IRF8: variants seen among roughly 807,000 people sequenced by gnomAD.
IRF8 encodes interferon regulatory factor 8.
A neutral mutation model predicts 48.7 loss-of-function variants in IRF8; 14 were observed. That is an observed-to-expected ratio of 0.29 (90% CI 0.19 to 0.45). The LOEUF (loss-of-function observed/expected upper bound fraction) is 0.45, where lower values mean the gene tolerates loss of function less well. Ranked by LOEUF, IRF8 falls within the 20% of genes least tolerant of loss-of-function variation. IRF8 has a pLI of 1.00. For synonymous variants in IRF8, 278 were observed against 227.3 expected (o/e 1.22, Z -2.01); for missense variants, 493 against 580.7 (o/e 0.85, Z 1.55).
At position 85,913,045 on chromosome 16, in the gene IRF8, T is replaced by A; in HGVS notation, c.448-86T>A. 4.2e-6 allele frequency: 4 copies of A among 960,518 alleles called. No homozygotes were observed. In the East Asian group the frequency reaches 9.5e-5, roughly 23 times the overall value. The allele number at this position is 960,518 out of a possible 1,614,324, so 59.5% of individuals were successfully genotyped here. On this transcript the variant is annotated intron_variant, in intron 4 of 8. Transcript: ENST00000268638. ...GTGACAATATGGTTTTACTTACACA[T>A]GAACTGTTCATTTTTACAAACACTG...
chr16:85,902,703 G>T (rs1308962582), intron 1 of IRF8: 2 of 411,254 alleles, frequency 4.9e-6, no homozygotes, highest in Non-Finnish European at 4.6e-6. Flanking sequence ...CACTGTGGTT[G>T]TATCTGCCTG....
chr16:85,913,656 A>G (rs1367482923), intron 5 of IRF8, among the ~76,000 whole-genome samples: 1 of 152,232 alleles, frequency 6.6e-6, no homozygotes. Flanking sequence ...AGAACCAAAG[A>G]GAGCCCAGGG....
intron 4 of IRF8, among the ~76,000 whole-genome samples, chr16:85,912,847 G>T (rs1010022874): frequency 4.6e-5 from 7 of 152,152 alleles, no homozygotes; most frequent in Non-Finnish European, 1.5e-5. Flanking sequence ...TGGATAATCT[G>T]GAACACTGGG....
rs113937897 is a variant in IRF8, at chr16:85,901,772, G to A, written c.-1-1243G>A. ...ACCTGCAGGGTGGCTGAAGTTTCCA[G>A]AATGCGTACTTCTTGTGAAGGTTCT... On this transcript the variant is annotated intron_variant, in intron 1 of 8. Transcript: ENST00000268638. Among the ~76,000 whole-genome samples, 1,464 of 152,276 alleles carry A rather than the reference G, an allele frequency of 9.6e-3. 21 individuals carry two copies. The highest frequency in any genetic ancestry group is 0.034 in the African/African-American group (1,401 of 41,550).
chr16:85,914,646 A>T, intron 6 of IRF8, 126 bp downstream of exon 6: 1 of 1,036,778 alleles, frequency 9.6e-7, no homozygotes, highest in Non-Finnish European at 1.4e-6. Context: ...GCCTGGTTCC[A>T]AGGATGAGCA....
In IRF8 at chr16:85,909,289, C is replaced by G. The variant is rs181317751; in HGVS notation, c.358+116C>G. On this transcript the variant is annotated intron_variant, in intron 3 of 8. Transcript: ENST00000268638. Reference sequence around the variant, plus strand: ...TCTGGGGCACATAGTTTCAGTTAAACAAAGCAGTTCTCTCCTTCGTGTAAG... The same window carrying G: ...TCTGGGGCACATAGTTTCAGTTAAAGAAAGCAGTTCTCTCCTTCGTGTAAG... 5.5e-4 allele frequency: 439 copies of G among 801,360 alleles called. 1 individual carries two copies. The Middle Eastern group carries it at 5.5e-3, about 10-fold the overall frequency. 49.6% of individuals were successfully genotyped at this position (801,360 alleles called of 1,614,324 possible).
Position 85,921,283 on chromosome 16 carries a change from G to A in IRF8, c.*1G>A, listed in dbSNP as rs2143061541. ...AGAAAACCAACAGATCACCGTCTAAGTGCGTCGCTTGGGCGCCCCACCCCG... is the reference window on the plus strand; with the variant it reads ...AGAAAACCAACAGATCACCGTCTAAATGCGTCGCTTGGGCGCCCCACCCCG... On this transcript the variant is annotated 3_prime_UTR_variant, in exon 9 of 9. Coordinates refer to ENST00000268638, the MANE Select transcript of IRF8 (RefSeq NM_002163.4). The A allele has an allele frequency of 1.9e-6, 3 of 1,613,592 alleles. No homozygotes were observed. The highest frequency in any genetic ancestry group is 1.7e-5 in the Admixed American group (1 of 60,034).
intron 3 of IRF8, 175 bp downstream of exon 3, chr16:85,909,348 G>A (rs983878162): frequency 1.2e-5 from 8 of 661,226 alleles, no homozygotes; most frequent in Non-Finnish European, 1.9e-5. Context: ...TGACCTCAGA[G>A]GGAAGGGCGG....
chr16:85,913,220 G>T lies in IRF8; in HGVS notation c.537G>T (p.Ala179=). 3.1e-6 allele frequency: 5 copies of T among 1,612,608 alleles called. No individual in the cohort carries two copies. In the Middle Eastern group the frequency reaches 8.3e-4, roughly 266 times the overall value. Reference sequence around the variant, plus strand: ...GTCAGCTCCTTCCAGACTGGTGGGCGCAGCAGCCCAGCACAGGTGAGGGTG... The same window carrying T: ...GTCAGCTCCTTCCAGACTGGTGGGCTCAGCAGCCCAGCACAGGTGAGGGTG... ...CRSQLLPDWW[A]QQPSTGVPLV... The change falls in exon 5 of 9, where the codon GCG becomes GCT. Residue 179 remains alanine (A), a synonymous_variant. Transcript: ENST00000268638.
intron 4 of IRF8, 77 bp from the exon 5 acceptor site, chr16:85,913,054 C>A (rs980457267): frequency 6.8e-6 from 7 of 1,025,738 alleles, no homozygotes; most frequent in South Asian, 1.3e-5. Context: ...ATGAACTGTT[C>A]ATTTTTACAA....
At chr16:85,909,539 G>C (rs1905087455) in intron 3 of IRF8, 1 of 308,508 alleles carries the variant, frequency 3.2e-6, no homozygotes, top group Non-Finnish European at 6.3e-6. Context: ...CCTGGATCAT[G>C]AGGGTTGGGA....
At position 85,903,247 on chromosome 16, in the gene IRF8, C is replaced by A. The variant is rs1038734275; in HGVS notation, c.174+58C>A. ...CACAGTGTCTCCTTTCCCTCATGGA[C>A]TAGTGGAGATGTTGAGTGACATCTT... On this transcript the variant is annotated intron_variant, in intron 2 of 8. Transcript: ENST00000268638. 1.1e-5 allele frequency: 16 copies of A among 1,447,474 alleles called. No individual in the cohort carries two copies. In the African/African-American group the frequency reaches 1.8e-4, roughly 16 times the overall value. 89.7% of individuals were successfully genotyped at this position (1,447,474 alleles called of 1,614,324 possible).
At chr16:85,918,851 C>T (rs540145332) in intron 7 of IRF8, 48 bp downstream of exon 7, 2 of 1,598,136 alleles carry the variant, frequency 1.3e-6, no homozygotes, top group East Asian at 4.5e-5. Context: ...GAGATCACGC[C>T]TCCTATCTGT....
intron 6 of IRF8, 89 bp downstream of exon 6, chr16:85,914,609 T>G: frequency 6.9e-7 from 1 of 1,454,246 alleles, no homozygotes; most frequent in Non-Finnish European, 9.6e-7. Context: ...GTTTCGAGGA[T>G]GAGCAGGACC....
chr16:85,918,953 G>C (rs1224875311), intron 7 of IRF8, 150 bp downstream of exon 7: 1 of 1,017,182 alleles, frequency 9.8e-7, no homozygotes. Flanking sequence ...GTGCTCCTTT[G>C]AATGGCACTC....
At chr16:85,899,902 C>G (rs1904773173) in intron 1 of IRF8, among the ~76,000 whole-genome samples, 1 of 152,314 alleles carries the variant, frequency 6.6e-6, no homozygotes, top group Non-Finnish European at 1.5e-5. Context: ...TTACCCAGAG[C>G]TGTGAAAGGC....
In IRF8 at chr16:85,918,494, T is replaced by G; in HGVS notation, c.679T>G (p.Cys227Gly). The change falls in exon 7 of 9, where the codon TGC becomes GGC. Residue 227 changes from cysteine (C) to glycine (G), a missense_variant. Around this residue, in one of 3 missense-constraint regions of IRF8, gnomAD observed 408 missense variants for 449.6 expected, o/e 0.91. Coordinates refer to ENST00000268638, the MANE Select transcript of IRF8 (RefSeq NM_002163.4). ...GGCCACCACCACCTGCCCCGAGGGC[T>G]GCCGCCTGTCCCTGAGCCAGCCTGG... is the stretch of plus-strand genomic sequence containing the variant. ...GQATTTCPEG[C>G]RLSLSQPGLP... 6.3e-7 allele frequency: 1 copy of G among 1,593,254 alleles called. No individual in the cohort carries two copies.
intron 7 of IRF8, 117 bp from the exon 8 acceptor site, chr16:85,919,992 G>C (rs1905484601): frequency 2.6e-6 from 2 of 779,552 alleles, no homozygotes; most frequent in Admixed American, 2.0e-5. Context: ...AGATCCCATG[G>C]TGCCCTGGCC....
At chr16:85,917,223 C>G (rs1040150634) in intron 6 of IRF8, among the ~76,000 whole-genome samples, 1 of 152,184 alleles carries the variant, frequency 6.6e-6, no homozygotes, top group Non-Finnish European at 1.5e-5. Flanking sequence ...TGTGGCTCCA[C>G]AAGGCAGCCT....
Sources: allele counts gnomAD v4.1 joint callset (sites outside exome capture counted in the v4.1 genomes callset), GRCh38; gene constraint gnomAD v4.1.1; regional missense constraint gnomAD v4.1.1; transcripts MANE v1.5; gene names NCBI Gene and HGNC (gene_info 2026-07-23, HGNC 2026-07-21).